Variants in MBD5 observed in about 807,000 individuals in gnomAD.
MBD5 encodes the protein methyl-CpG-binding domain protein 5.
MBD5 carries 13 observed loss-of-function variants against 117.3 expected under a neutral mutation model. The observed-to-expected ratio is 0.11, with a 90% confidence interval of 0.07 to 0.18. The LOEUF is 0.18. Among genes scored for constraint, MBD5 ranks in the 10% least tolerant of loss-of-function variants. The pLI is 1.00. For synonymous variants in MBD5, 727 were observed against 766.4 expected, an observed-to-expected ratio of 0.95 and a Z score of 0.85; for missense variants, 1,879 against 2,093.8, an observed-to-expected ratio of 0.90 and a Z score of 2.00.
chr2:148,443,529 T>C (rs528979735), intron 4 of MBD5, among the ~76,000 whole-genome samples: 1 of 151,468 alleles, frequency 6.6e-6, no homozygotes, highest in Non-Finnish European at 1.5e-5. Flanking sequence ...AAATGTAGTA[T>C]ATATACACAA....
At position 148,381,312 on chromosome 2, in the gene MBD5, G is replaced by A. The variant is rs574194785; in HGVS notation, c.-557+38976G>A. ...CTGAAAACCCAGGCACGAGAACTAC[G>A]TGATGAATGCACAAGCCTCAGTAAC... On this transcript the variant is annotated intron_variant, in intron 4 of 13. Coordinates refer to ENST00000642680, the MANE Select transcript of MBD5 (RefSeq NM_001378120.1). 1.6e-3 allele frequency among the ~76,000 whole-genome samples: 247 copies of A among 152,294 alleles called. 6 individuals carry two copies. The highest frequency in any genetic ancestry group is 0.016 in the Admixed American group (246 of 15,300).
rs1696333967 is a variant in MBD5, at chr2:148,105,093, T to C, written c.-924-73607T>C. ...GAGTCAGTTTCAGTAAGCTGTATTTTTCTAGGAATTTGTCCATTTCATCTA... is the reference window on the plus strand; with the variant it reads ...GAGTCAGTTTCAGTAAGCTGTATTTCTCTAGGAATTTGTCCATTTCATCTA... On this transcript the variant is annotated intron_variant, in intron 1 of 13. Coordinates refer to ENST00000642680, the MANE Select transcript of MBD5 (RefSeq NM_001378120.1). Among the ~76,000 whole-genome samples the C allele has an allele frequency of 4.6e-5, 7 of 152,302 alleles. No individual in the cohort carries two copies. In the South Asian group the frequency reaches 1.5e-3, roughly 32 times the overall value.
chr2:148,055,708 A>G (rs904952000), intron 1 of MBD5: 12 of 152,232 alleles, frequency 7.9e-5, no homozygotes, highest in African/African-American at 2.9e-4. Context: ...CTGGGATTAC[A>G]GTCGTGTGCC....
At chr2:148,021,737 C>G (rs923745316) in intron 1 of MBD5, 53 bp downstream of exon 1, 1 of 305,870 alleles carries the variant, frequency 3.3e-6, no homozygotes, top group African/African-American at 2.2e-5. Context: ...GACTTTCACT[C>G]CGGGGCAACA....
At chr2:148,328,405 C>G (rs1702527370) in intron 3 of MBD5, among the ~76,000 whole-genome samples, 1 of 152,226 alleles carries the variant, frequency 6.6e-6, no homozygotes. Flanking sequence ...TTTACCTAAG[C>G]AAGCCTGGGC....
At chr2:148,501,007 T>G (rs914346596) in intron 11 of MBD5, among the ~76,000 whole-genome samples, 1 of 152,240 alleles carries the variant, frequency 6.6e-6, no homozygotes, top group Non-Finnish European at 1.5e-5. Flanking sequence ...GAAGTGTTAT[T>G]GGAACAAAGT....
intron 2 of MBD5, among the ~76,000 whole-genome samples, chr2:148,221,465 G>T (rs1016969821): frequency 9.2e-5 from 14 of 152,246 alleles, no homozygotes; most frequent in Admixed American, 2.0e-4. Context: ...TTTAACTGAG[G>T]TGAGATGATA....
chr2:148,203,415 G>C (rs1416223129), intron 2 of MBD5, among the ~76,000 whole-genome samples: 1 of 152,192 alleles, frequency 6.6e-6, no homozygotes, highest in African/African-American at 2.4e-5. Context: ...CTTGCACTCT[G>C]ATGACATTTT....
chr2:148,259,210 C>A (rs1700673351), intron 3 of MBD5, among the ~76,000 whole-genome samples: 1 of 152,144 alleles, frequency 6.6e-6, no homozygotes, highest in Non-Finnish European at 1.5e-5. Context: ...GGTGTGGTCA[C>A]CTTGCCCTTG....
intron 1 of MBD5, among the ~76,000 whole-genome samples, chr2:148,102,756 AGAGAGGAAGAG>A (rs1696263348): frequency 8.7e-6 from 1 of 114,496 alleles, no homozygotes; most frequent in Non-Finnish European, 2.0e-5. Flanking sequence ...AGAGAGAGAG[AGAGAGGAAGAG>A]AGAGAGAGAG....
At position 148,515,582 on chromosome 2, in the gene MBD5, GT is replaced by G. The variant is rs1682329653; in HGVS notation, c.*2642del. The G allele has an allele frequency of 6.6e-6, 1 of 152,032 alleles. No homozygotes were observed. Among genetic ancestry groups the G allele is most frequent in the Non-Finnish European group, 1.5e-5 (1 of 67,982 alleles). 9.4% of individuals were successfully genotyped at this position (152,032 alleles called of 1,614,324 possible). ...ATTTTGCCCATAGAGCCATTTCTTT[GT>G]CTTTGTATTGAAGCCAATTCATTTT... On this transcript the variant is annotated 3_prime_UTR_variant, in exon 14 of 14. Coordinates refer to ENST00000642680, the MANE Select transcript of MBD5 (RefSeq NM_001378120.1).
intron 1 of MBD5, among the ~76,000 whole-genome samples, chr2:148,038,003 C>T (rs1694242389): frequency 6.6e-6 from 1 of 151,836 alleles, no homozygotes; most frequent in African/African-American, 2.4e-5. Flanking sequence ...ATAATAAAAG[C>T]ATTAATTTTT....
chr2:148,263,601 G>T (rs1002660311), intron 3 of MBD5, among the ~76,000 whole-genome samples: 2 of 152,202 alleles, frequency 1.3e-5, no homozygotes, highest in Admixed American at 6.5e-5. Context: ...GACCGGAAAA[G>T]TGGATGTATT....
chr2:148,387,192 T>C (rs1704399798), intron 4 of MBD5, among the ~76,000 whole-genome samples: 1 of 152,090 alleles, frequency 6.6e-6, no homozygotes, highest in African/African-American at 2.4e-5. Context: ...TAATAATGTA[T>C]ATATAAAAAA....
At chr2:148,296,781 C>G (rs1335380434) in intron 3 of MBD5, 1 of 148,206 alleles carries the variant, frequency 6.7e-6, no homozygotes, top group East Asian at 2.0e-4. Context: ...ATTTCTGTCT[C>G]TTTATTAATA....
intron 4 of MBD5, among the ~76,000 whole-genome samples, chr2:148,413,074 G>A (rs182103324): frequency 9.9e-5 from 15 of 152,170 alleles, no homozygotes; most frequent in Admixed American, 7.2e-4. Context: ...TGCTCATTAA[G>A]TGTGATGTTA....
chr2:148,349,748 G>A (rs1244016984), intron 4 of MBD5, among the ~76,000 whole-genome samples: 2 of 152,016 alleles, frequency 1.3e-5, no homozygotes, highest in Admixed American at 1.3e-4. Flanking sequence ...ACAATTCTCT[G>A]AAATACAAAT....
At chr2:148,429,674 A>G (rs992600800) in intron 4 of MBD5, among the ~76,000 whole-genome samples, 1 of 152,138 alleles carries the variant, frequency 6.6e-6, no homozygotes, top group Admixed American at 6.6e-5. Flanking sequence ...CCATGAAAAA[A>G]GATGAGTTCA....
At chr2:148,323,794 C>T (rs1195520693) in intron 3 of MBD5, among the ~76,000 whole-genome samples, 1 of 152,024 alleles carries the variant, frequency 6.6e-6, no homozygotes. Context: ...TTGTAGGTTG[C>T]CTGTTCACTC....
Sources: allele counts gnomAD v4.1 joint callset (sites outside exome capture counted in the v4.1 genomes callset), GRCh38; gene constraint gnomAD v4.1.1; transcripts MANE v1.5; gene names NCBI Gene and HGNC (gene_info 2026-07-23, HGNC 2026-07-21).